Variants in RAB44 observed in about 807,000 individuals in gnomAD.
RAB44 encodes RAB44, member RAS oncogene family.
Under a neutral mutation model 93.3 loss-of-function variants are expected in RAB44, and 67 were observed. The ratio of observed to expected loss-of-function variants is 0.72; its 90% CI spans 0.59 to 0.88. RAB44 has a LOEUF of 0.88. Ranked by LOEUF, RAB44 falls within the 40% of genes least tolerant of loss-of-function variation. The pLI is 0.00. For synonymous variants in RAB44, 427 were observed against 520.3 expected (o/e 0.82, Z 2.44); for missense variants, 1,064 against 1,261.7 (o/e 0.84, Z 2.37).
In RAB44 at chr6:36,732,241, A is replaced by G; in HGVS notation, c.*148A>G. On this transcript the variant is annotated 3_prime_UTR_variant, in exon 14 of 14. Coordinates refer to ENST00000612677, the MANE Select transcript of RAB44 (RefSeq NM_001257357.2). ...CAACTCAGGACTCGGATCCCAGAGC[A>G]GGGCCGCATCACCTCTGCCTTTCAC... The G allele has an allele frequency of 2.4e-6, 1 of 424,292 alleles. No individual in the cohort carries two copies. Among genetic ancestry groups the G allele is most frequent in the Non-Finnish European group, 4.0e-6 (1 of 251,630 alleles). 26.3% of individuals were successfully genotyped at this position (424,292 alleles called of 1,614,324 possible).
chr6:36,718,377 C>T (rs1326446046), intron 6 of RAB44, 116 bp from the exon 7 acceptor site: 2 of 499,856 alleles, frequency 4.0e-6, no homozygotes, highest in Non-Finnish European at 6.3e-6. Context: ...ACCCTCCCTG[C>T]TGGGGCATCC....
intron 9 of RAB44, among the ~76,000 whole-genome samples, chr6:36,723,836 C>CAAA (rs565860026): frequency 4.6e-5 from 3 of 64,622 alleles, no homozygotes; most frequent in African/African-American, 5.4e-5. Flanking sequence ...TTCCGTCTCC[C>CAAA]AAAAAAAAAA....
chr6:36,718,183 G>C lies in RAB44; in HGVS notation c.732+65G>C. 5 of 1,105,746 alleles carry C rather than the reference G, an allele frequency of 4.5e-6. No homozygotes were observed. In the South Asian group the frequency reaches 2.3e-4, roughly 52 times the overall value. The allele number at this position is 1,105,746 out of a possible 1,614,324, so 68.5% of individuals were successfully genotyped here. On this transcript the variant is annotated intron_variant, in intron 6 of 13. Coordinates refer to ENST00000612677, the MANE Select transcript of RAB44 (RefSeq NM_001257357.2). ...GGGACACCTCTGCTGGCTAAGGAAT[G>C]GGGCCAGTGACTGGCCAGGGTGGGG...
Position 36,718,061 on chromosome 6 carries a change from G to A in RAB44, c.675G>A (p.Gln225=). 1.6e-5 allele frequency: 20 copies of A among 1,232,186 alleles called. No homozygotes were observed. Among genetic ancestry groups the A allele is most frequent in the Non-Finnish European group, 2.0e-5 (20 of 988,010 alleles). 76.3% of individuals were successfully genotyped at this position (1,232,186 alleles called of 1,614,324 possible). A position where few individuals can be genotyped will look rare whatever the true frequency, so the allele number is the denominator to read the frequency against. Residue 225 remains glutamine (Q), a synonymous_variant, in exon 6 of 14, where the codon CAG becomes CAA. Transcript: ENST00000612677. ...RDSDHHREVQ[Q]LYEEMEQQIR... is the part of the protein sequence containing the mutation. ...CTGACCACCACCGCGAGGTCCAGCA[G>A]CTCTATGAGGAGATGGAGCAGCAGA...
At chr6:36,700,249 G>A (rs773668556) in intron 1 of RAB44, among the ~76,000 whole-genome samples, 5 of 152,182 alleles carry the variant, frequency 3.3e-5, no homozygotes, top group African/African-American at 4.8e-5. Flanking sequence ...CAGGCACAGA[G>A]ATGCTGATTG....
At chr6:36,699,396 C>T (rs567471256) in intron 1 of RAB44, among the ~76,000 whole-genome samples, 55 of 152,042 alleles carry the variant, frequency 3.6e-4, no homozygotes, top group Non-Finnish European at 7.2e-4. Context: ...CGGCAGGCTG[C>T]GATGTGACAC....
intron 1 of RAB44, among the ~76,000 whole-genome samples, chr6:36,702,654 C>T (rs1293936958): frequency 6.6e-6 from 1 of 152,258 alleles, no homozygotes; most frequent in African/African-American, 2.4e-5. Flanking sequence ...TCCTGCAGAA[C>T]CTGCACAAGC....
At chr6:36,726,766 A>G (rs554382307) in intron 10 of RAB44, among the ~76,000 whole-genome samples, 188 of 151,974 alleles carry the variant, frequency 1.2e-3, no homozygotes, top group Admixed American at 5.6e-3. Context: ...ATAAAGCCAC[A>G]CAAAGACTGA....
At chr6:36,729,546 G>C (rs1438902808) in intron 12 of RAB44, among the ~76,000 whole-genome samples, 1 of 150,020 alleles carries the variant, frequency 6.7e-6, no homozygotes, top group Non-Finnish European at 1.5e-5. Context: ...GCAGTGGCAC[G>C]ATCTTGGCTC....
chr6:36,711,055 A>G (rs1164999105), intron 2 of RAB44, among the ~76,000 whole-genome samples: 1 of 152,258 alleles, frequency 6.6e-6, no homozygotes, highest in Non-Finnish European at 1.5e-5. Flanking sequence ...TCAATGTTTC[A>G]GTATTAAATT....
At chr6:36,711,367 T>C (rs1197985470) in intron 2 of RAB44, among the ~76,000 whole-genome samples, 1 of 152,196 alleles carries the variant, frequency 6.6e-6, no homozygotes, top group African/African-American at 2.4e-5. Context: ...AGAAAACAAA[T>C]ATAGATCTTA....
chr6:36,722,853 G>A (rs997102160), intron 9 of RAB44, 120 bp downstream of exon 9: 6 of 1,157,386 alleles, frequency 5.2e-6, no homozygotes, highest in African/African-American at 1.5e-5. Context: ...CCCTGGCCAC[G>A]GGCCCTGCAT....
intron 11 of RAB44, 63 bp from the exon 12 acceptor site, chr6:36,728,637 G>A: frequency 4.4e-6 from 6 of 1,373,448 alleles, no homozygotes; most frequent in Non-Finnish European, 6.1e-6. Context: ...CTTCTAGGAA[G>A]GCAAATGTGC....
chr6:36,711,439 A>G (rs1408938625), intron 2 of RAB44, among the ~76,000 whole-genome samples: 1 of 152,226 alleles, frequency 6.6e-6, no homozygotes, highest in Non-Finnish European at 1.5e-5. Flanking sequence ...ACAGATAGCT[A>G]TTATATGTGT....
rs1272071100 is a variant in RAB44 at position 36,704,275 on chromosome 6, C to A, written c.40C>A (p.Leu14Met). Residue 14 changes from leucine (L) to methionine (M), a missense_variant, in exon 2 of 14, where the codon CTG becomes ATG. By Grantham distance (15) the Leu-to-Met change is conservative. Coordinates refer to ENST00000612677, the MANE Select transcript of RAB44 (RefSeq NM_001257357.2). ...GAGAACATCTCGAAAAGTCCGGAAGCTGGGCTCCAACCGGCGGCGGCAGAC... is the reference window on the plus strand; with the variant it reads ...GAGAACATCTCGAAAAGTCCGGAAGATGGGCTCCAACCGGCGGCGGCAGAC... ...GQRTSRKVRKLGSNRRRQTRE... is the reference protein window; with the variant it reads ...GQRTSRKVRKMGSNRRRQTRE... 2.0e-6 allele frequency: 3 copies of A among 1,536,036 alleles called. No homozygotes were observed. Among genetic ancestry groups the A allele is most frequent in the Non-Finnish European group, 2.6e-6 (3 of 1,146,910 alleles).
rs35515538 is a variant in RAB44 at position 36,726,802 on chromosome 6, A to ATT, written c.2682-760_2682-759dup. Among the ~76,000 whole-genome samples the ATT allele has an allele frequency of 3.9e-3, 564 of 143,088 alleles. 4 individuals are homozygous for ATT. Among genetic ancestry groups the ATT allele is most frequent in the Admixed American group, 0.011 (158 of 14,352 alleles). 93.9% of individuals were successfully genotyped at this position (143,088 alleles called of 152,430 possible). A position where few individuals can be genotyped will look rare whatever the true frequency, so the allele number is the denominator to read the frequency against. On this transcript the variant is annotated intron_variant, in intron 10 of 13. Coordinates refer to ENST00000612677, the MANE Select transcript of RAB44 (RefSeq NM_001257357.2). The stretch of plus-strand genomic sequence containing the variant: ...GGACTCTCTTTATGTACTAATAGGG[A>ATT]TTTTTTTTTTTTTTTTGAGACAGAG...
intron 9 of RAB44, among the ~76,000 whole-genome samples, chr6:36,725,289 C>T (rs979690743): frequency 6.6e-6 from 1 of 152,214 alleles, no homozygotes; most frequent in African/African-American, 2.4e-5. Flanking sequence ...GATTCTCTTG[C>T]CTCAGCCTCC....
chr6:36,715,715 T>C (rs559195768), intron 4 of RAB44, 62 bp downstream of exon 4: 1 of 1,503,508 alleles, frequency 6.7e-7, no homozygotes, highest in East Asian at 2.5e-5. Flanking sequence ...GCAGGGGCTT[T>C]CCTGGACACA....
At chr6:36,709,704 C>T (rs1187585268) in intron 2 of RAB44, among the ~76,000 whole-genome samples, 2 of 152,082 alleles carry the variant, frequency 1.3e-5, no homozygotes, top group East Asian at 1.9e-4. Context: ...TACAGACGCC[C>T]GCCACCATGC....
Sources: gnomAD v4.1 joint callset for allele counts (sites outside exome capture counted in the v4.1 genomes callset) on GRCh38, gnomAD v4.1.1 for gene constraint, MANE v1.5 for transcripts, NCBI Gene and HGNC (gene_info 2026-07-23, HGNC 2026-07-21) for gene names.